GPNMB: variants seen among roughly 807,000 people sequenced by gnomAD.
The protein encoded by GPNMB is transmembrane glycoprotein NMB.
GPNMB carries 71 observed loss-of-function variants against 57.3 expected under a neutral mutation model. The ratio of observed to expected loss-of-function variants is 1.24; its 90% CI spans 1.02 to 1.51. The LOEUF (loss-of-function observed/expected upper bound fraction) is 1.51, where lower values mean the gene tolerates loss of function less well. Among genes scored for constraint, GPNMB ranks in the 40% most tolerant of loss-of-function variants. GPNMB has a pLI of 0.00. For missense variants in GPNMB, 677 were observed against 691.9 expected, an observed-to-expected ratio of 0.98 and a Z score of 0.24; for synonymous variants, 253 against 263.2, an observed-to-expected ratio of 0.96 and a Z score of 0.38.
At chr7:23,248,191 G>T (rs1265826142) in intron 1 of GPNMB, among the ~76,000 whole-genome samples, 1 of 152,176 alleles carries the variant, frequency 6.6e-6, no homozygotes, top group Non-Finnish European at 1.5e-5. Flanking sequence ...GAGATCAGCT[G>T]CTTGGCGTGA....
intron 8 of GPNMB, 60 bp downstream of exon 8, chr7:23,268,048 C>G: frequency 1.0e-6 from 1 of 998,074 alleles, no homozygotes; most frequent in Non-Finnish European, 1.6e-6. Context: ...CAAGTCTGAA[C>G]AAAGGCATTG....
At position 23,254,348 on chromosome 7, in the gene GPNMB, C is replaced by G. The variant is rs760132102; in HGVS notation, c.367+36C>G. The stretch of plus-strand genomic sequence containing the variant: ...AGTATTCTCCTAAACTACTGGAGAC[C>G]CAGTTTCTAAACCTTAATGATCACA... On this transcript the variant is annotated intron_variant, in intron 3 of 10. Coordinates refer to ENST00000258733, the MANE Select transcript of GPNMB (RefSeq NM_002510.3). 4 of 1,570,600 alleles carry G rather than the reference C, an allele frequency of 2.5e-6. No homozygotes were observed. The Admixed American group carries it at 6.8e-5, about 27-fold the overall frequency.
chr7:23,266,457 C>T, intron 6 of GPNMB, 60 bp from the exon 7 acceptor site: 1 of 1,562,572 alleles, frequency 6.4e-7, no homozygotes, highest in Non-Finnish European at 8.7e-7. Context: ...TTTATTATAT[C>T]ACATGTATCT....
At chr7:23,255,997 C>T (rs1782768076) in intron 3 of GPNMB, among the ~76,000 whole-genome samples, 1 of 152,078 alleles carries the variant, frequency 6.6e-6, no homozygotes, top group Non-Finnish European at 1.5e-5. Context: ...ACCTCCACCT[C>T]CCAGGTTCAA....
At chr7:23,255,683 T>C (rs1782760026) in intron 3 of GPNMB, among the ~76,000 whole-genome samples, 1 of 152,188 alleles carries the variant, frequency 6.6e-6, no homozygotes, top group Non-Finnish European at 1.5e-5. Flanking sequence ...TGATATACTG[T>C]TGGTGATTTG....
chr7:23,254,334 A>C (rs770111946), intron 3 of GPNMB, 22 bp downstream of exon 3: 1 of 1,598,718 alleles, frequency 6.3e-7, no homozygotes, highest in South Asian at 1.1e-5. Flanking sequence ...GTATTCTCCT[A>C]AACTACTGGA....
At chr7:23,261,854 A>G (rs1782933131) in intron 6 of GPNMB, among the ~76,000 whole-genome samples, 1 of 152,180 alleles carries the variant, frequency 6.6e-6, no homozygotes, top group Admixed American at 6.5e-5. Context: ...ATACCACCCT[A>G]TATTAATAGT....
intron 1 of GPNMB, among the ~76,000 whole-genome samples, chr7:23,250,403 T>G (rs932392531): frequency 3.9e-5 from 6 of 152,194 alleles, no homozygotes; most frequent in Non-Finnish European, 8.8e-5. Context: ...TTGAAAAGGC[T>G]ATCTTCCCTC....
intron 1 of GPNMB, 39 bp downstream of exon 1, chr7:23,246,966 G>A (rs781443383): frequency 2.1e-6 from 3 of 1,449,490 alleles, no homozygotes; most frequent in African/African-American, 2.8e-5. Context: ...CCCATTCTCT[G>A]GCCATTGGCT....
In GPNMB at chr7:23,250,033, A is replaced by AT. The variant is rs149727352; in HGVS notation, c.70+3107dup. Among the ~76,000 whole-genome samples, 234 of 152,310 alleles carry AT rather than the reference A, an allele frequency of 1.5e-3. 2 individuals carry two copies. Among genetic ancestry groups the AT allele is most frequent in the African/African-American group, 5.4e-3 (224 of 41,566 alleles). ...TTTCACTACTGGCTAATGATGTTGAATATCTTCTTGTGTGTTTATTTGCCA... is the reference window on the plus strand; with the variant it reads ...TTTCACTACTGGCTAATGATGTTGAATTATCTTCTTGTGTGTTTATTTGCCA... On this transcript the variant is annotated intron_variant, in intron 1 of 10. Transcript: ENST00000258733.
chr7:23,259,975 C>T lies in GPNMB; in HGVS notation c.542-5C>T. 6.2e-7 allele frequency: 1 copy of T among 1,613,784 alleles called. No individual in the cohort carries two copies. Among genetic ancestry groups the T allele is most frequent in the South Asian group, 1.1e-5 (1 of 91,048 alleles). Reference sequence around the variant, plus strand: ...CAATAACTAAAAATTTCCATCCTCCCAAAGGTCAGTATTTCCAGAAATTGG... The same window carrying T: ...CAATAACTAAAAATTTCCATCCTCCTAAAGGTCAGTATTTCCAGAAATTGG... On this transcript the variant is annotated splice_region_variant and splice_polypyrimidine_tract_variant and intron_variant, in intron 4 of 10. Transcript: ENST00000258733.
chr7:23,257,205 A>G (rs978006217), intron 4 of GPNMB, 140 bp downstream of exon 4: 6 of 756,242 alleles, frequency 7.9e-6, no homozygotes, highest in Non-Finnish European at 1.4e-5. Context: ...GCATGAGTGA[A>G]CAGTGAGAGA....
chr7:23,273,054 G>A (rs1313241650), intron 9 of GPNMB: 1 of 152,722 alleles, frequency 6.5e-6, no homozygotes, highest in East Asian at 1.9e-4. Context: ...TGTTGCCTCT[G>A]CCTCCCAAAG....
rs138607306 is a variant in GPNMB at position 23,257,596 on chromosome 7, C to T, written c.541+531C>T. On this transcript the variant is annotated intron_variant, in intron 4 of 10. Coordinates refer to ENST00000258733, the MANE Select transcript of GPNMB (RefSeq NM_002510.3). The stretch of plus-strand genomic sequence containing the variant: ...CTGAGGCAGGAGAATCACTTGAATC[C>T]GGGAGGTGGAGGTTGCAGTGAGAGG... 1,001 of 157,750 alleles carry T rather than the reference C, an allele frequency of 6.3e-3. 11 individuals carry two copies. Among genetic ancestry groups the T allele is most frequent in the African/African-American group, 0.023 (940 of 41,554 alleles). The allele number at this position is 157,750 out of a possible 1,614,324, so 9.8% of individuals were successfully genotyped here. A position where few individuals can be genotyped will look rare whatever the true frequency, so the allele number is the denominator to read the frequency against.
chr7:23,258,046 C>T (rs1419075098), intron 4 of GPNMB: 1 of 152,120 alleles, frequency 6.6e-6, no homozygotes, highest in East Asian at 1.9e-4. Context: ...CCGCTTTGAC[C>T]TAGCCCATTC....
intron 2 of GPNMB, 55 bp from the exon 3 acceptor site, chr7:23,254,114 A>G (rs1782720647): frequency 1.9e-6 from 3 of 1,547,392 alleles, no homozygotes; most frequent in Middle Eastern, 1.7e-4. Flanking sequence ...CTAAATGTTT[A>G]TGAACGAAAG....
rs902320388 is a variant in GPNMB at position 23,256,936 on chromosome 7, T to C, written c.412T>C (p.Trp138Arg). 3.1e-6 allele frequency: 5 copies of C among 1,614,074 alleles called. No homozygotes were observed. The African/African-American group carries it at 5.3e-5, about 17-fold the overall frequency. The stretch of plus-strand genomic sequence containing the variant: ...TCCGTATGTTTACAACTGGACAGCA[T>C]GGTCAGAGGACAGTGACGGGGAAAA... ...ADPYVYNWTAWSEDSDGENGT... is the reference protein window; with the variant it reads ...ADPYVYNWTARSEDSDGENGT... The change falls in exon 4 of 11, where the codon TGG (tryptophan) becomes CGG (arginine). Residue 138 changes from tryptophan (W) to arginine (R), a missense_variant. Transcript: ENST00000258733.
chr7:23,273,178 T>G, intron 9 of GPNMB: 1 of 205,126 alleles, frequency 4.9e-6, no homozygotes, highest in South Asian at 1.1e-4. Flanking sequence ...AGCTAGAAGG[T>G]AAGTAGAGAG....
intron 1 of GPNMB, among the ~76,000 whole-genome samples, chr7:23,249,174 A>T (rs1476513838): frequency 6.6e-6 from 1 of 152,182 alleles, no homozygotes; most frequent in African/African-American, 2.4e-5. Flanking sequence ...GCCCACCCTC[A>T]GCCTTCCAAA....
Sources: gnomAD v4.1 joint callset for allele counts (sites outside exome capture counted in the v4.1 genomes callset) on GRCh38, gnomAD v4.1.1 for gene constraint, MANE v1.5 for transcripts, NCBI Gene and HGNC (gene_info 2026-07-23, HGNC 2026-07-21) for gene names.